BARX2: variants seen among roughly 807,000 people sequenced by gnomAD.
The protein encoded by BARX2 is BARX homeobox 2.
BARX2 carries 11 observed loss-of-function variants against 25.5 expected under a neutral mutation model. The ratio of observed to expected loss-of-function variants is 0.43; its 90% CI spans 0.27 to 0.71. The LOEUF is 0.71. Ranked by LOEUF, BARX2 falls within the 30% of genes least tolerant of loss-of-function variation. The pLI, the probability that BARX2 is intolerant of heterozygous loss-of-function variation, is 0.19. For synonymous variants in BARX2, 137 were observed against 149.5 expected (o/e 0.92, Z 0.61); for missense variants, 360 against 359.9 (o/e 1.00, Z 0.00).
chr11:129,401,824 C>G (rs866103573), intron 1 of BARX2, among the ~76,000 whole-genome samples: 2 of 151,966 alleles, frequency 1.3e-5, no homozygotes, highest in East Asian at 3.9e-4. Flanking sequence ...GGTGTGGTGG[C>G]AGACACCTAT....
intron 1 of BARX2, among the ~76,000 whole-genome samples, chr11:129,408,196 C>G (rs1228988919): frequency 6.6e-6 from 1 of 151,972 alleles, no homozygotes; most frequent in African/African-American, 2.4e-5. Flanking sequence ...AGAGAAGAAG[C>G]TAAAGAGATT....
At chr11:129,414,255 C>T (rs1861920694) in intron 1 of BARX2, among the ~76,000 whole-genome samples, 1 of 152,042 alleles carries the variant, frequency 6.6e-6, no homozygotes, top group Non-Finnish European at 1.5e-5. Context: ...GTTCTGTCTA[C>T]ATTAGTTCTA....
chr11:129,420,524 C>G (rs191596960), intron 1 of BARX2, among the ~76,000 whole-genome samples: 1 of 152,226 alleles, frequency 6.6e-6, no homozygotes, highest in African/African-American at 2.4e-5. Context: ...AAAATAATCT[C>G]TCTTCTGTTA....
At chr11:129,406,069 C>G (rs1298225693) in intron 1 of BARX2, among the ~76,000 whole-genome samples, 1 of 152,096 alleles carries the variant, frequency 6.6e-6, no homozygotes. Context: ...TATTTGTTAC[C>G]TACTGAGCAT....
intron 1 of BARX2, among the ~76,000 whole-genome samples, chr11:129,430,260 G>A (rs768240814): frequency 2.6e-5 from 4 of 151,534 alleles, no homozygotes; most frequent in Non-Finnish European, 5.9e-5. Context: ...AATATATGGT[G>A]TTAGGGTTTT....
chr11:129,409,216 G>A (rs1356997543), intron 1 of BARX2, among the ~76,000 whole-genome samples: 5 of 152,086 alleles, frequency 3.3e-5, no homozygotes, highest in East Asian at 1.9e-4. Flanking sequence ...TCTCTCAGGC[G>A]AGCGATTCAT....
Position 129,436,824 on chromosome 11 carries a change from C to G in BARX2, c.261C>G (p.Val87=), listed in dbSNP as rs201121141. 3.1e-6 allele frequency: 5 copies of G among 1,613,744 alleles called. No individual in the cohort carries two copies. Among genetic ancestry groups the G allele is most frequent in the Non-Finnish European group, 4.2e-6 (5 of 1,179,926 alleles). ...TRQPTVISHL[V]PATPGIAQAL... ...AGCCCACTGTCATCTCCCACCTGGT[C>G]CCTGCCACCCCGGGAATCGCCCAGG... The change falls in exon 2 of 4, where the codon GTC becomes GTG. Residue 87 remains valine (V), a synonymous_variant. Transcript: ENST00000281437. This position sits in a 1 kb window ranked among gnomAD's most constrained non-coding sequence, Gnocchi z 4.5.
Position 129,451,507 on chromosome 11 carries a change from C to T in BARX2, c.*105C>T, listed in dbSNP as rs756040338. The T allele has an allele frequency of 1.4e-5, 18 of 1,317,054 alleles. No homozygotes were observed. The highest frequency in any genetic ancestry group is 2.9e-5 in the South Asian group (2 of 68,356). 81.6% of individuals were successfully genotyped at this position (1,317,054 alleles called of 1,614,324 possible). A position where few individuals can be genotyped will look rare whatever the true frequency, so the allele number is the denominator to read the frequency against. The stretch of plus-strand genomic sequence containing the variant: ...TTCCAGCAGCCCAGTAAACTGCGGG[C>T]GAAGAGATCTACCCGTCTCCCTCCC... On this transcript the variant is annotated 3_prime_UTR_variant, in exon 4 of 4. Transcript: ENST00000281437.
At chr11:129,388,093 C>G (rs201038534) in intron 1 of BARX2, among the ~76,000 whole-genome samples, 1 of 146,924 alleles carries the variant, frequency 6.8e-6, no homozygotes, top group Admixed American at 6.8e-5. Context: ...AGGCAACATA[C>G]TGTGTGTGTG....
chr11:129,440,078 G>A (rs1417184182), intron 2 of BARX2, among the ~76,000 whole-genome samples: 4 of 152,120 alleles, frequency 2.6e-5, no homozygotes, highest in Admixed American at 6.5e-5. Context: ...GATGTTCCTC[G>A]CCTCCCTACG....
chr11:129,423,309 G>T (rs1862027566), intron 1 of BARX2, among the ~76,000 whole-genome samples: 2 of 151,814 alleles, frequency 1.3e-5, no homozygotes, highest in South Asian at 2.1e-4. Flanking sequence ...TAGAGACAGG[G>T]TTTCACCATG....
At chr11:129,414,933 C>G (rs1297912165) in intron 1 of BARX2, among the ~76,000 whole-genome samples, 2 of 152,122 alleles carry the variant, frequency 1.3e-5, no homozygotes, top group Non-Finnish European at 2.9e-5. Flanking sequence ...GACGAATGGC[C>G]TCATTGTTCT....
intron 1 of BARX2, among the ~76,000 whole-genome samples, chr11:129,420,818 A>C (rs542187327): frequency 6.6e-6 from 1 of 152,370 alleles, no homozygotes; most frequent in South Asian, 2.1e-4. Context: ...ACACTGTGGG[A>C]GATAGAAGTA....
rs370029873 is a variant in BARX2 at position 129,452,040 on chromosome 11, T to C, written c.*638T>C. 14 of 151,864 alleles carry C rather than the reference T, an allele frequency of 9.2e-5. No individual in the cohort carries two copies. The highest frequency in any genetic ancestry group is 3.4e-4 in the African/African-American group (14 of 41,350). 9.4% of individuals were successfully genotyped at this position (151,864 alleles called of 1,614,324 possible). A position where few individuals can be genotyped will look rare whatever the true frequency, so the allele number is the denominator to read the frequency against. On this transcript the variant is annotated 3_prime_UTR_variant, in exon 4 of 4. Transcript: ENST00000281437. ...AACTGATAAGCTTTGGTTTTTTTTT[T>C]GTTTTGTTTTGTTTTTTGCTTCATT...
chr11:129,412,868 T>C (rs1178698915), intron 1 of BARX2, among the ~76,000 whole-genome samples: 5 of 152,236 alleles, frequency 3.3e-5, no homozygotes, highest in Non-Finnish European at 7.3e-5. Flanking sequence ...CTAAAATAAG[T>C]TCTGAAGAGG....
chr11:129,441,740 G>A (rs970289608), intron 2 of BARX2, among the ~76,000 whole-genome samples: 14 of 152,224 alleles, frequency 9.2e-5, no homozygotes, highest in Admixed American at 6.5e-5. Flanking sequence ...ATGAGCCACT[G>A]TGCCTGGCCT....
Position 129,451,181 on chromosome 11 carries a change from C to A in BARX2, c.619C>A (p.Pro207Thr). The stretch of plus-strand genomic sequence containing the variant: ...AGCACCCACAAAACCCAAAGGTCGC[C>A]CCAAGAAGAACTCCATCCCCACATC... ...QEAPTKPKGR[P>T]KKNSIPTSEE... Residue 207 changes from proline (P) to threonine (T), a missense_variant, in exon 4 of 4, where the codon CCC becomes ACC. Pro to Thr is a conservative substitution (Grantham distance 38). Transcript: ENST00000281437. The A allele has an allele frequency of 1.2e-6, 2 of 1,614,028 alleles. No homozygotes were observed. Among genetic ancestry groups the A allele is most frequent in the Non-Finnish European group, 1.7e-6 (2 of 1,180,008 alleles).
chr11:129,407,250 C>T (rs1396093699), intron 1 of BARX2, among the ~76,000 whole-genome samples: 2 of 152,184 alleles, frequency 1.3e-5, no homozygotes, highest in Non-Finnish European at 2.9e-5. Flanking sequence ...AGACCAAACT[C>T]CTACATCTTC....
At chr11:129,447,361 G>C (rs1591450831) in intron 3 of BARX2, among the ~76,000 whole-genome samples, 1 of 152,324 alleles carries the variant, frequency 6.6e-6, no homozygotes, top group African/African-American at 2.4e-5. Context: ...GGTGTCCTAG[G>C]TGTTCTTCCG....
Sources: gnomAD v4.1 joint callset for allele counts (sites outside exome capture counted in the v4.1 genomes callset) on GRCh38, gnomAD v4.1.1 for gene constraint, Gnocchi (gnomAD v3.1) non-coding constraint, MANE v1.5 for transcripts, NCBI Gene and HGNC (gene_info 2026-07-23, HGNC 2026-07-21) for gene names.